Variants in CSMD1 observed in about 807,000 individuals in gnomAD.
CSMD1 encodes the protein CUB and Sushi multiple domains 1, also known as CUB and sushi domain-containing protein 1.
CSMD1 carries 213 observed loss-of-function variants against 417.5 expected under a neutral mutation model. That is an observed-to-expected ratio of 0.51 (90% confidence interval 0.46 to 0.57). CSMD1 has a LOEUF of 0.57. Ranked by LOEUF, CSMD1 falls within the 20% of genes least tolerant of loss-of-function variation. The pLI, the probability that CSMD1 is intolerant of heterozygous loss-of-function variation, is 0.00. For missense variants in CSMD1, 6,923 were observed against 4,529.7 expected, an observed-to-expected ratio of 1.53 and a Z score of -15.17; for synonymous variants, 2,862 against 1,736.8, an observed-to-expected ratio of 1.65 and a Z score of -16.11.
intron 2 of CSMD1, among the ~76,000 whole-genome samples, chr8:4,533,962 A>G (rs931057665): frequency 2.0e-5 from 3 of 149,698 alleles, no homozygotes; most frequent in African/African-American, 7.3e-5. Flanking sequence ...ATATATAAAT[A>G]TAAAATACAC....
intron 1 of CSMD1, among the ~76,000 whole-genome samples, chr8:4,740,006 C>T (rs1810503695): frequency 6.6e-6 from 1 of 152,076 alleles, no homozygotes; most frequent in African/African-American, 2.4e-5. Flanking sequence ...TCTTCCTTTC[C>T]CACCCTGAGC....
chr8:4,457,961 G>C (rs1001238478), intron 2 of CSMD1, among the ~76,000 whole-genome samples: 1 of 152,144 alleles, frequency 6.6e-6, no homozygotes, highest in South Asian at 2.1e-4. Flanking sequence ...GAAAAACCCA[G>C]ATGTACTTCT....
At chr8:4,842,733 G>C (rs1025573291) in intron 1 of CSMD1, among the ~76,000 whole-genome samples, 1 of 152,144 alleles carries the variant, frequency 6.6e-6, no homozygotes, top group Non-Finnish European at 1.5e-5. Flanking sequence ...AAGAGTTTTT[G>C]AATGTTATTT....
In CSMD1 at chr8:4,811,803, T is replaced by G. The variant is rs544622567; in HGVS notation, c.86-174245A>C. ...GGAATATGGTTTAAAATACCAAGTT[T>G]TGCATAGACATAGGAAAAGATGTGA... On this transcript the variant is annotated intron_variant, in intron 1 of 69. Coordinates refer to ENST00000635120, the MANE Select transcript of CSMD1 (RefSeq NM_033225.6). Among the ~76,000 whole-genome samples, 439 of 152,250 alleles carry G rather than the reference T, an allele frequency of 2.9e-3. 3 individuals are homozygous for G. Among genetic ancestry groups the G allele is most frequent in the Middle Eastern group, 0.014 (4 of 294 alleles).
chr8:3,289,728 C>T (rs1220470809), intron 25 of CSMD1, among the ~76,000 whole-genome samples: 1 of 146,972 alleles, frequency 6.8e-6, no homozygotes, highest in Admixed American at 6.7e-5. Context: ...GGATATTAGC[C>T]CTTTGTCAGA....
intron 12 of CSMD1, among the ~76,000 whole-genome samples, chr8:3,424,388 G>A (rs1279395342): frequency 1.3e-5 from 2 of 152,174 alleles, no homozygotes; most frequent in Non-Finnish European, 1.5e-5. Flanking sequence ...CCCAGTTACT[G>A]CATTCATTGA....
intron 26 of CSMD1, among the ~76,000 whole-genome samples, chr8:3,251,430 T>C (rs1800248077): frequency 6.6e-6 from 1 of 152,198 alleles, no homozygotes; most frequent in South Asian, 2.1e-4. Flanking sequence ...TATATCTCTG[T>C]TTTGGTACCA....
At chr8:3,711,460 C>T (rs1585115899) in intron 6 of CSMD1, among the ~76,000 whole-genome samples, 1 of 152,144 alleles carries the variant, frequency 6.6e-6, no homozygotes, top group South Asian at 2.1e-4. Flanking sequence ...CAGGTCCAAC[C>T]CCAACCAAAG....
At chr8:3,056,880 A>C (rs1370835905) in intron 49 of CSMD1, among the ~76,000 whole-genome samples, 1 of 152,040 alleles carries the variant, frequency 6.6e-6, no homozygotes, top group Non-Finnish European at 1.5e-5. Flanking sequence ...TATAAATGCT[A>C]ATCAAAATTG....
chr8:3,791,818 G>A (rs769440244), intron 5 of CSMD1, among the ~76,000 whole-genome samples: 36 of 147,014 alleles, frequency 2.4e-4, no homozygotes, highest in Non-Finnish European at 3.8e-4. Flanking sequence ...ATAAGACTCA[G>A]TATCAAATAA....
At chr8:4,501,631 T>A (rs891477387) in intron 2 of CSMD1, among the ~76,000 whole-genome samples, 1 of 152,166 alleles carries the variant, frequency 6.6e-6, no homozygotes, top group African/African-American at 2.4e-5. Flanking sequence ...TGCTAGCTGT[T>A]CTGACTAGCG....
intron 3 of CSMD1, among the ~76,000 whole-genome samples, chr8:4,310,360 G>A (rs1333982026): frequency 1.3e-5 from 2 of 152,008 alleles, no homozygotes; most frequent in African/African-American, 2.4e-5. Context: ...TTGGTCAAAG[G>A]GTTCACAGAC....
At chr8:4,478,868 G>C (rs962903400) in intron 2 of CSMD1, among the ~76,000 whole-genome samples, 1 of 152,084 alleles carries the variant, frequency 6.6e-6, no homozygotes, top group East Asian at 1.9e-4. Context: ...TTGAAAACAG[G>C]GCTAGACTTA....
At chr8:4,717,567 C>CA (rs1563208962) in intron 1 of CSMD1, among the ~76,000 whole-genome samples, 8 of 80,498 alleles carry the variant, frequency 9.9e-5, no homozygotes, top group African/African-American at 5.0e-4. Flanking sequence ...TCTATCTATC[C>CA]ATCCATCCAT....
chr8:4,467,527 C>A (rs1800255888), intron 2 of CSMD1, among the ~76,000 whole-genome samples: 1 of 152,158 alleles, frequency 6.6e-6, no homozygotes, highest in African/African-American at 2.4e-5. Context: ...CAACTTTTTT[C>A]TTTACTTAGC....
chr8:4,788,421 G>A lies in CSMD1; in HGVS notation c.86-150863C>T, dbSNP rs1797523258. ...GTGGTCTTCTCTTTGACTACCCAGG[G>A]TCTTGGCTGTTCAACCACACTTTCT... On this transcript the variant is annotated intron_variant, in intron 1 of 69. Transcript: ENST00000635120. 1.3e-5 allele frequency: 18 copies of A among 1,337,600 alleles called. No individual in the cohort carries two copies. In the South Asian group the frequency reaches 1.6e-4, roughly 12 times the overall value. The allele number at this position is 1,337,600 out of a possible 1,614,324, so 82.9% of individuals were successfully genotyped here. A position where few individuals can be genotyped will look rare whatever the true frequency, so the allele number is the denominator to read the frequency against.
chr8:3,317,753 AT>A (rs1387833638), intron 23 of CSMD1, among the ~76,000 whole-genome samples: 4 of 152,214 alleles, frequency 2.6e-5, no homozygotes, highest in Admixed American at 1.3e-4. Context: ...TTAAAATGTT[AT>A]AAATTTTGTG....
At chr8:3,578,788 T>C (rs1455116225) in intron 9 of CSMD1, among the ~76,000 whole-genome samples, 1 of 152,172 alleles carries the variant, frequency 6.6e-6, no homozygotes, top group African/African-American at 2.4e-5. Context: ...ACTTCTTTCC[T>C]TCCCTTAGCT....
At chr8:3,403,136 T>C (rs1355790718) in intron 15 of CSMD1, among the ~76,000 whole-genome samples, 1 of 152,230 alleles carries the variant, frequency 6.6e-6, no homozygotes, top group African/African-American at 2.4e-5. Flanking sequence ...CTATAACTTA[T>C]TTTAATTTGT....
Sources: allele counts gnomAD v4.1 joint callset (sites outside exome capture counted in the v4.1 genomes callset), GRCh38; gene constraint gnomAD v4.1.1; transcripts MANE v1.5; gene names NCBI Gene and HGNC (gene_info 2026-07-23, HGNC 2026-07-21).